Variants in YME1L1 observed in about 807,000 individuals in gnomAD.
YME1L1 encodes the protein ATP-dependent zinc metalloprotease YME1L1.
YME1L1 carries 39 observed loss-of-function variants against 90.4 expected under a neutral mutation model. That is an observed-to-expected ratio of 0.43 (90% CI 0.33 to 0.56). The LOEUF is 0.56. YME1L1 is among the 20% of genes least tolerant of loss of function. The pLI is 0.03. For missense variants in YME1L1, 617 were observed against 868.4 expected (o/e 0.71, Z 3.64); for synonymous variants, 284 against 287.3 (o/e 0.99, Z 0.12).
At chr10:27,122,372 A>C (rs985707357) in intron 11 of YME1L1, among the ~76,000 whole-genome samples, 1 of 152,198 alleles carries the variant, frequency 6.6e-6, no homozygotes, top group African/African-American at 2.4e-5. Flanking sequence ...ATGTGGTTTC[A>C]AAATGTCTTA....
chr10:27,122,954 A>G lies in YME1L1; in HGVS notation c.1122T>C (p.Ala374=). Reference sequence around the variant, plus strand: ...ATTCATCAATAAATATAACACAAGGAGCATTCGCCTTTGCTTCCCCTAAGA... The same window carrying G: ...ATTCATCAATAAATATAACACAAGGGGCATTCGCCTTTGCTTCCCCTAAGA... The part of the protein sequence containing the change: ...RNLFREAKAN[A]PCVIFIDELD... The change falls in exon 11 of 19, where the codon GCT becomes GCC. Residue 374 remains alanine, a synonymous_variant. Transcript: ENST00000376016. 6.2e-7 allele frequency: 1 copy of G among 1,611,818 alleles called. No individual in the cohort carries two copies. The highest frequency in any genetic ancestry group is 1.7e-5 in the Admixed American group (1 of 59,724).
chr10:27,144,181 G>A (rs1464902739), intron 3 of YME1L1, among the ~76,000 whole-genome samples: 1 of 152,208 alleles, frequency 6.6e-6, no homozygotes, highest in African/African-American at 2.4e-5. Context: ...CAGACTAGAA[G>A]AGCAGTAGGA....
chr10:27,154,161 CTG>C lies in YME1L1; in HGVS notation c.33+15_33+16del. On this transcript the variant is annotated intron_variant, in intron 1 of 18. Transcript: ENST00000376016. ...GCAGGGCGGGAGGAAAAAAAATGGG[CTG>C]AATGCCTGGCTTACCTGGGGTTGCA... is the stretch of plus-strand genomic sequence containing the variant. The C allele has an allele frequency of 6.3e-7, 1 of 1,583,998 alleles. No individual in the cohort carries two copies.
chr10:27,122,784 G>T, intron 11 of YME1L1, 57 bp downstream of exon 11: 2 of 1,596,894 alleles, frequency 1.3e-6, no homozygotes. Flanking sequence ...TCAATTCTAC[G>T]TATATCAAAT....
At chr10:27,148,063 T>C (rs2057165691) in intron 2 of YME1L1, among the ~76,000 whole-genome samples, 1 of 152,182 alleles carries the variant, frequency 6.6e-6, no homozygotes, top group Admixed American at 6.5e-5. Context: ...CCTAGAAGTA[T>C]GAGCTGCTCC....
intron 5 of YME1L1, among the ~76,000 whole-genome samples, chr10:27,135,279 C>T (rs3780922): frequency 0.24 from 36,430 of 151,802 alleles, 4,861 homozygotes; most frequent in East Asian, 0.56. Context: ...TCATATCCCT[C>T]TATCTTTGCT....
At chr10:27,127,881 T>C (rs1588594806) in intron 8 of YME1L1, among the ~76,000 whole-genome samples, 1 of 152,276 alleles carries the variant, frequency 6.6e-6, no homozygotes, top group African/African-American at 2.4e-5. Context: ...ACTTGGCTGG[T>C]TTATTAAAAG....
chr10:27,119,634 C>A (rs1237072671), intron 13 of YME1L1, among the ~76,000 whole-genome samples, 185 bp from the exon 14 acceptor site: 1 of 152,038 alleles, frequency 6.6e-6, no homozygotes, highest in Non-Finnish European at 1.5e-5. Context: ...CATGGTGAAA[C>A]CCCATCTCTA....
At chr10:27,147,792 C>T (rs2057162053) in intron 2 of YME1L1, 1 of 1,366,266 alleles carries the variant, frequency 7.3e-7, no homozygotes, top group Non-Finnish European at 1.0e-6. Flanking sequence ...CAAACCCTGG[C>T]TCCTGGCGTG....
rs779033476 is a variant in YME1L1, at chr10:27,114,637, C to A, written c.1921-30G>T. ...AACCAAAAGGAAGAAAGTAATTGAA[C>A]AGAAAACCCCCAAACACCAACAAAT... is the stretch of plus-strand genomic sequence containing the variant. On this transcript the variant is annotated intron_variant, in intron 17 of 18. Transcript: ENST00000376016. 2.6e-5 allele frequency: 40 copies of A among 1,556,100 alleles called. 2 individuals are homozygous for A. The South Asian group carries it at 4.6e-4, about 18-fold the overall frequency.
rs561339345 is a variant in YME1L1 at position 27,123,207 on chromosome 10, T to C, written c.1103-234A>G. Among the ~76,000 whole-genome samples, 4 of 152,266 alleles carry C rather than the reference T, an allele frequency of 2.6e-5. No homozygotes were observed. In the East Asian group the frequency reaches 7.7e-4, roughly 29 times the overall value. ...GGCATTCATTCATTCTTTCCAGCTATACAAATATATACAATCAGGTTTGAA... is the reference window on the plus strand; with the variant it reads ...GGCATTCATTCATTCTTTCCAGCTACACAAATATATACAATCAGGTTTGAA... On this transcript the variant is annotated intron_variant, in intron 10 of 18. Coordinates refer to ENST00000376016, the MANE Select transcript of YME1L1 (RefSeq NM_014263.4).
chr10:27,147,781 C>T (rs150715128), intron 2 of YME1L1: 16,558 of 1,437,962 alleles, frequency 0.012, 127 homozygotes, highest in Non-Finnish European at 0.013. Flanking sequence ...TGCAGTTTCA[C>T]CAAACCCTGG....
chr10:27,117,337 G>A (rs781625279), intron 15 of YME1L1, among the ~76,000 whole-genome samples: 5 of 152,200 alleles, frequency 3.3e-5, no homozygotes, highest in Non-Finnish European at 7.3e-5. Flanking sequence ...GGAGACTGAG[G>A]CAGGTGGATC....
chr10:27,131,990 CA>C, intron 7 of YME1L1, 49 bp from the exon 8 acceptor site: 1 of 1,478,468 alleles, frequency 6.8e-7, no homozygotes, highest in Non-Finnish European at 9.2e-7. Flanking sequence ...AATAACATTC[CA>C]ATCACCTTGT....
At chr10:27,130,939 T>C (rs1405127552) in intron 8 of YME1L1, among the ~76,000 whole-genome samples, 1 of 152,332 alleles carries the variant, frequency 6.6e-6, no homozygotes, top group African/African-American at 2.4e-5. Flanking sequence ...TTTTGACTCC[T>C]CTTTTCTCTT....
At chr10:27,147,034 G>A (rs370558188) in intron 2 of YME1L1, 10 of 234,770 alleles carry the variant, frequency 4.3e-5, no homozygotes, top group African/African-American at 1.6e-4. Context: ...GCTTAGGGAC[G>A]GGGGCAAACA....
chr10:27,145,531 C>G lies in YME1L1; in HGVS notation c.228G>C (p.Gln76His). 1 of 1,613,608 alleles carries G rather than the reference C, an allele frequency of 6.2e-7. No individual in the cohort carries two copies. Among genetic ancestry groups the G allele is most frequent in the Non-Finnish European group, 8.5e-7 (1 of 1,179,692 alleles). The change falls in exon 3 of 19, where the codon CAG (glutamine) becomes CAC (histidine). Residue 76 changes from glutamine (Q) to histidine (H), a missense_variant. Gln to His is a conservative substitution (Grantham distance 24). This residue lies in a region of YME1L1 where 311 missense variants were observed against 335.8 expected (regional missense o/e 0.93). Coordinates refer to ENST00000376016, the MANE Select transcript of YME1L1 (RefSeq NM_014263.4). ...LSELKIGQID[Q>H]LVENLLPGFC... The stretch of plus-strand genomic sequence containing the variant: ...ATCCAGGAAGTAGATTTTCTACCAG[C>G]TGATCAATCTGTCCAATTTTTAGTT...
chr10:27,154,148 G>T, intron 1 of YME1L1, 30 bp downstream of exon 1: 1 of 1,574,832 alleles, frequency 6.3e-7, no homozygotes. Context: ...AGGGCGGGAG[G>T]AAAAAAAATG....
Position 27,116,448 on chromosome 10 carries a change from C to T in YME1L1, c.1720-103G>A. 2.2e-6 allele frequency: 3 copies of T among 1,350,642 alleles called. No individual in the cohort carries two copies. In the South Asian group the frequency reaches 4.1e-5, roughly 18 times the overall value. The allele number at this position is 1,350,642 out of a possible 1,614,324, so 83.7% of individuals were successfully genotyped here. On this transcript the variant is annotated intron_variant, in intron 15 of 18. Transcript: ENST00000376016. ...TTTGGCAGGCGAGGTGGGTGGATCA[C>T]CTGAGGTTGGGAGTTCGAGACCAGC...
Sources: allele counts gnomAD v4.1 joint callset (sites outside exome capture counted in the v4.1 genomes callset), GRCh38; gene constraint gnomAD v4.1.1; regional missense constraint gnomAD v4.1.1; transcripts MANE v1.5; gene names NCBI Gene and HGNC (gene_info 2026-07-23, HGNC 2026-07-21).